The following SH3TC1 variants were observed in gnomAD, a reference collection of about 807,000 sequenced individuals.
The protein encoded by SH3TC1 is SH3 domain and tetratricopeptide repeats 1, also known as SH3 domain and tetratricopeptide repeat-containing protein 1.
A neutral mutation model predicts 117.3 loss-of-function variants in SH3TC1; 135 were observed. The observed-to-expected ratio is 1.15, with a 90% confidence interval of 1.00 to 1.33. The LOEUF (loss-of-function observed/expected upper bound fraction) is 1.33. Ranked by LOEUF, SH3TC1 falls within the 40% of genes most tolerant of loss-of-function variation. The pLI, the probability that SH3TC1 is intolerant of heterozygous loss-of-function variation, is 0.00. For missense variants in SH3TC1, 2,092 were observed against 1,794.3 expected (o/e 1.17, Z -3.00); for synonymous variants, 898 against 816.9 (o/e 1.10, Z -1.69).
chr4:8,216,907 A>G (rs1326576379), intron 6 of SH3TC1, 50 bp from the exon 7 acceptor site: 1 of 1,586,334 alleles, frequency 6.3e-7, no homozygotes. Flanking sequence ...GCAGGGCCAC[A>G]GCTGCGCCCA....
At chr4:8,231,846 G>T in intron 12 of SH3TC1, 130 bp from the exon 13 acceptor site, 1 of 1,056,046 alleles carries the variant, frequency 9.5e-7, no homozygotes, top group South Asian at 1.5e-5. Flanking sequence ...TGTGCTCAGC[G>T]GTTCCCCGCC....
At chr4:8,214,649 C>T in intron 5 of SH3TC1, 69 bp downstream of exon 5, 1 of 1,150,088 alleles carries the variant, frequency 8.7e-7, no homozygotes, top group East Asian at 2.3e-5. Flanking sequence ...ACACACCGTG[C>T]ACTTAGATTA....
At position 8,236,120 on chromosome 4, in the gene SH3TC1, G is replaced by C. The variant is rs1721790168; in HGVS notation, c.3406-158G>C. On this transcript the variant is annotated intron_variant, in intron 15 of 17. Transcript: ENST00000245105. ...CAGGTGACTCTTCAGCCCCTAGCTT[G>C]GGTGTCTGAACCGCCCTTTATCTCA... is the stretch of plus-strand genomic sequence containing the variant. The C allele has an allele frequency of 1.8e-5, 16 of 913,502 alleles. No individual in the cohort carries two copies. The East Asian group carries it at 5.0e-4, about 28-fold the overall frequency. 56.6% of individuals were successfully genotyped at this position (913,502 alleles called of 1,614,324 possible).
At chr4:8,191,357 T>A (rs898227623) in intron 1 of SH3TC1, among the ~76,000 whole-genome samples, 1 of 152,224 alleles carries the variant, frequency 6.6e-6, no homozygotes, top group African/African-American at 2.4e-5. Context: ...TGCTGACCAC[T>A]TCCTGCAGGC....
In SH3TC1 at chr4:8,233,972, GTCCA is replaced by G. The variant is rs529251928; in HGVS notation, c.3282+474_3282+477del. Among the ~76,000 whole-genome samples, 578 of 117,418 alleles carry G rather than the reference GTCCA, an allele frequency of 4.9e-3. 2 individuals are homozygous for G. Among genetic ancestry groups the G allele is most frequent in the African/African-American group, 0.017 (536 of 31,326 alleles). 77.0% of individuals were successfully genotyped at this position (117,418 alleles called of 152,430 possible). On this transcript the variant is annotated intron_variant, in intron 14 of 17. Transcript: ENST00000245105. ...CATCAATCCATCCATTCACCTGTTT[GTCCA>G]TCCATCCATCCATCATCCATCCATC... is the stretch of plus-strand genomic sequence containing the variant.
intron 3 of SH3TC1, among the ~76,000 whole-genome samples, chr4:8,211,364 TTCCTTCCTCTCC>T (rs1479945909): frequency 4.2e-4 from 2 of 4,788 alleles, no homozygotes; most frequent in East Asian, 8.6e-3. Flanking sequence ...TTCTCCCCTC[TTCCTTCCTCTCC>T]CCCTCCTGGT....
chr4:8,232,285 C>T (rs1012311242), intron 13 of SH3TC1, 129 bp downstream of exon 13: 41 of 1,449,072 alleles, frequency 2.8e-5, no homozygotes, highest in Non-Finnish European at 3.5e-5. Context: ...TCCTTGGCAT[C>T]GGATGCTCTG....
chr4:8,232,856 C>T lies in SH3TC1; in HGVS notation c.3132-507C>T, dbSNP rs1721370507. On this transcript the variant is annotated intron_variant, in intron 13 of 17. Transcript: ENST00000245105. ...GGCCAGTGTGTTAGAGCCATGTTCT[C>T]AAAGTGTGGTCCCTGGACCAGCAGA... 11 of 1,253,190 alleles carry T rather than the reference C, an allele frequency of 8.8e-6. No homozygotes were observed. The East Asian group carries it at 2.3e-4, about 26-fold the overall frequency. The allele number at this position is 1,253,190 out of a possible 1,614,324, so 77.6% of individuals were successfully genotyped here.
intron 15 of SH3TC1, 87 bp from the exon 16 acceptor site, chr4:8,236,191 A>G (rs1269904848): frequency 6.3e-6 from 9 of 1,419,024 alleles, no homozygotes; most frequent in Non-Finnish European, 8.4e-6. Context: ...GGGCGTGGGA[A>G]GCTCCGAGCA....
At chr4:8,218,422 G>A in intron 8 of SH3TC1, 75 bp downstream of exon 8, 1 of 1,092,196 alleles carries the variant, frequency 9.2e-7, no homozygotes, top group Non-Finnish European at 1.4e-6. Context: ...TTTGGAAGTT[G>A]CCCTACATCC....
chr4:8,232,974 C>T, intron 13 of SH3TC1: 1 of 1,195,218 alleles, frequency 8.4e-7, no homozygotes, highest in Non-Finnish European at 1.1e-6. Flanking sequence ...GGCAGGCCAG[C>T]AAGCTATATG....
chr4:8,200,425 C>T (rs964319024), intron 1 of SH3TC1, among the ~76,000 whole-genome samples: 3 of 152,236 alleles, frequency 2.0e-5, no homozygotes, highest in African/African-American at 4.8e-5. Context: ...GAAAGGGGCA[C>T]AGCTGTGCCT....
At chr4:8,191,430 A>G (rs553739925) in intron 1 of SH3TC1, among the ~76,000 whole-genome samples, 2 of 152,352 alleles carry the variant, frequency 1.3e-5, no homozygotes. Context: ...TGGAAAGCCT[A>G]TGAGCCCCGT....
In SH3TC1 at chr4:8,210,223, C is replaced by A. The variant is rs1718542280; in HGVS notation, c.247+401C>A. ...GCCGCAGGGCACAGGTGGAGGGAGG[C>A]AGCCCTGGGCCGGGGAGCAGAGCCC... On this transcript the variant is annotated intron_variant, in intron 3 of 17. Coordinates refer to ENST00000245105, the MANE Select transcript of SH3TC1 (RefSeq NM_018986.5). This position sits in a 1 kb window ranked among gnomAD's most constrained non-coding sequence, Gnocchi z 4.1. Among the ~76,000 whole-genome samples, 1 of 152,202 alleles carries A rather than the reference C, an allele frequency of 6.6e-6. No homozygotes were observed. Among genetic ancestry groups the A allele is most frequent in the Admixed American group, 6.5e-5 (1 of 15,286 alleles).
At chr4:8,196,113 A>G (rs1223553145), upstream of SH3TC1, among the ~76,000 whole-genome samples, 1 of 152,242 alleles carries the variant, frequency 6.6e-6, no homozygotes, top group Non-Finnish European at 1.5e-5. This position sits in a 1 kb window ranked among gnomAD's most constrained non-coding sequence, Gnocchi z 4.6. Flanking sequence ...ACATGCACAG[A>G]ATCTCAGTGC....
intron 2 of SH3TC1, among the ~76,000 whole-genome samples, chr4:8,207,891 C>T (rs758729613): frequency 1.3e-5 from 2 of 152,106 alleles, no homozygotes; most frequent in East Asian, 1.9e-4. Flanking sequence ...GCTGTTGGGC[C>T]GGAACTCTAT....
chr4:8,200,222 G>A (rs1367113858), intron 1 of SH3TC1, among the ~76,000 whole-genome samples: 5 of 152,250 alleles, frequency 3.3e-5, no homozygotes, highest in Non-Finnish European at 5.9e-5. Context: ...CACTCAGGGT[G>A]TGGCCTCCCA....
intron 17 of SH3TC1, among the ~76,000 whole-genome samples, chr4:8,238,803 G>A (rs968374465): frequency 2.0e-5 from 3 of 152,164 alleles, no homozygotes; most frequent in Non-Finnish European, 4.4e-5. Context: ...TGCCCACTCC[G>A]CCCACCCAGG....
In SH3TC1 at chr4:8,190,985, G is replaced by C. The variant is rs1051083824; in HGVS notation, c.-57+8775G>C. Among the ~76,000 whole-genome samples, 1 of 152,142 alleles carries C rather than the reference G, an allele frequency of 6.6e-6. No individual in the cohort carries two copies. Among genetic ancestry groups the C allele is most frequent in the Non-Finnish European group, 1.5e-5 (1 of 68,018 alleles). On this transcript the variant is annotated intron_variant, in intron 1 of 16. Coordinates refer to the SH3TC1 transcript ENST00000508641. The surrounding 1 kb of genome is among the most constrained non-coding windows in gnomAD (Gnocchi z 4.7). Reference sequence around the variant, plus strand: ...CCTCTCCGCACCTCTGTTCCTTGTGGTTTTAAAGGTGGAGATGCTGAGGAC... The same window carrying C: ...CCTCTCCGCACCTCTGTTCCTTGTGCTTTTAAAGGTGGAGATGCTGAGGAC...
Sources: allele counts gnomAD v4.1 joint callset (sites outside exome capture counted in the v4.1 genomes callset), GRCh38; gene constraint gnomAD v4.1.1; non-coding constraint Gnocchi (gnomAD v3.1); transcripts MANE v1.5; gene names NCBI Gene and HGNC (gene_info 2026-07-23, HGNC 2026-07-21).